Variants in SH3GL3 observed in about 807,000 individuals in gnomAD.
The protein encoded by SH3GL3 is endophilin-A3.
Under a neutral mutation model 47.7 loss-of-function variants are expected in SH3GL3, and 33 were observed. The observed-to-expected ratio is 0.69, with a 90% CI of 0.52 to 0.92. The LOEUF (loss-of-function observed/expected upper bound fraction) is 0.92, where lower values mean the gene tolerates loss of function less well. Among genes scored for constraint, SH3GL3 ranks in the 40% least tolerant of loss-of-function variants. The probability of loss-of-function intolerance (pLI) is 0.00; values close to 1 mark genes in which losing one functional copy is unlikely to be tolerated. For synonymous variants in SH3GL3, 155 were observed against 148.8 expected, an observed-to-expected ratio of 1.04 and a Z score of -0.30; for missense variants, 363 against 417.8, an observed-to-expected ratio of 0.87 and a Z score of 1.14.
chr15:83,523,445 A>G (rs914367820), intron 1 of SH3GL3, among the ~76,000 whole-genome samples: 3 of 152,318 alleles, frequency 2.0e-5, no homozygotes, highest in Non-Finnish European at 2.9e-5. Flanking sequence ...GCTGAACGCC[A>G]TCTCCCAGGA....
Position 83,588,653 on chromosome 15 carries a change from G to A in SH3GL3, c.729-9G>A, listed in dbSNP as rs771313048. The stretch of plus-strand genomic sequence containing the variant: ...AGATGTCTGGCTCATCTTACGATGT[G>A]TGTTACAGAATATCAGCTGCATCCA... On this transcript the variant is annotated splice_polypyrimidine_tract_variant and intron_variant, in intron 7 of 8. Transcript: ENST00000427482. 6 of 1,529,142 alleles carry A rather than the reference G, an allele frequency of 3.9e-6. No individual in the cohort carries two copies. The African/African-American group carries it at 4.1e-5, about 10-fold the overall frequency. 94.7% of individuals were successfully genotyped at this position (1,529,142 alleles called of 1,614,324 possible).
At chr15:83,541,810 T>C (rs1197860143) in intron 1 of SH3GL3, among the ~76,000 whole-genome samples, 1 of 152,210 alleles carries the variant, frequency 6.6e-6, no homozygotes, top group East Asian at 1.9e-4. Context: ...TAAATTTTAT[T>C]ATTAGATTCT....
intron 3 of SH3GL3, among the ~76,000 whole-genome samples, chr15:83,567,305 C>G (rs558760593): frequency 6.6e-6 from 1 of 152,142 alleles, no homozygotes; most frequent in Non-Finnish European, 1.5e-5. Flanking sequence ...AGCATATTGC[C>G]GCCTTTCCCT....
chr15:83,525,189 A>G (rs1340332179), intron 1 of SH3GL3, among the ~76,000 whole-genome samples: 2 of 151,826 alleles, frequency 1.3e-5, no homozygotes, highest in Non-Finnish European at 2.9e-5. Flanking sequence ...CTTTTTGTTG[A>G]TAGCCATTCG....
chr15:83,552,015 C>T (rs529318569), intron 1 of SH3GL3, among the ~76,000 whole-genome samples: 1 of 152,278 alleles, frequency 6.6e-6, no homozygotes, highest in East Asian at 1.9e-4. Context: ...TTTCTTGGCA[C>T]CTTCTCATTT....
At chr15:83,496,139 A>T (rs888108628) in intron 1 of SH3GL3, among the ~76,000 whole-genome samples, 1 of 152,058 alleles carries the variant, frequency 6.6e-6, no homozygotes, top group Non-Finnish European at 1.5e-5. Flanking sequence ...CGGGAGGATC[A>T]CTTGAGGCCA....
chr15:83,497,355 G>A (rs2042122779), intron 1 of SH3GL3, among the ~76,000 whole-genome samples: 1 of 152,088 alleles, frequency 6.6e-6, no homozygotes, highest in Non-Finnish European at 1.5e-5. Flanking sequence ...AGTCTTGCAA[G>A]CCTACTCTGG....
At chr15:83,508,094 A>G (rs1428245289) in intron 1 of SH3GL3, among the ~76,000 whole-genome samples, 1 of 151,850 alleles carries the variant, frequency 6.6e-6, no homozygotes, top group Non-Finnish European at 1.5e-5. Context: ...GGTGCGCACC[A>G]CCACGCCCAG....
chr15:83,623,785 C>T, the SH3GL3 span, among the ~76,000 whole-genome samples: 1 of 152,160 alleles, frequency 6.6e-6, no homozygotes, highest in East Asian at 1.9e-4. Context: ...GTCCCTCAAA[C>T]AAATAGGCTT....
intron 1 of SH3GL3, among the ~76,000 whole-genome samples, chr15:83,457,982 C>T (rs1419829783): frequency 6.6e-6 from 1 of 152,168 alleles, no homozygotes; most frequent in South Asian, 2.1e-4. Flanking sequence ...AATTTTTCAG[C>T]TTTATTAACA....
intron 1 of SH3GL3, among the ~76,000 whole-genome samples, chr15:83,494,833 C>T (rs1176612900): frequency 6.6e-6 from 1 of 152,128 alleles, no homozygotes; most frequent in African/African-American, 2.4e-5. Flanking sequence ...TGTGACCCAC[C>T]GCACCTGGCC....
chr15:83,573,612 G>C (rs1426942734), intron 5 of SH3GL3, among the ~76,000 whole-genome samples: 1 of 152,210 alleles, frequency 6.6e-6, no homozygotes, highest in Non-Finnish European at 1.5e-5. Flanking sequence ...ACCCCCACTG[G>C]TCTAGCCTAT....
At chr15:83,536,495 C>T (rs1175410416) in intron 1 of SH3GL3, among the ~76,000 whole-genome samples, 7 of 149,864 alleles carry the variant, frequency 4.7e-5, no homozygotes, top group South Asian at 2.1e-4. Flanking sequence ...CCTCTGCCTT[C>T]GGGTTCAAGT....
chr15:83,628,046 C>T, the SH3GL3 span, among the ~76,000 whole-genome samples: 1 of 152,134 alleles, frequency 6.6e-6, no homozygotes, highest in Non-Finnish European at 1.5e-5. Context: ...GGGACAGAGC[C>T]TATAACATTG....
rs540653014 is a variant in SH3GL3 at position 83,538,082 on chromosome 15, G to A, written c.46-21171G>A. ...ATTAAATTTTGAAGTAGCATTTAGC[G>A]TGCAGGGAGTACAGTCACAATGTAA... On this transcript the variant is annotated intron_variant, in intron 1 of 8. Coordinates refer to ENST00000427482, the MANE Select transcript of SH3GL3 (RefSeq NM_003027.5). Among the ~76,000 whole-genome samples, 34 of 152,218 alleles carry A rather than the reference G, an allele frequency of 2.2e-4. No individual in the cohort carries two copies. In the South Asian group the frequency reaches 3.5e-3, roughly 16 times the overall value.
chr15:83,550,894 T>C (rs1166422905), intron 1 of SH3GL3, among the ~76,000 whole-genome samples: 1 of 152,220 alleles, frequency 6.6e-6, no homozygotes, highest in African/African-American at 2.4e-5. Context: ...TCTGGAGCAT[T>C]TTCTAAAATC....
chr15:83,490,635 T>G (rs997676356), intron 1 of SH3GL3: 3 of 765,548 alleles, frequency 3.9e-6, no homozygotes, highest in Non-Finnish European at 6.1e-6. Flanking sequence ...GCACAGTATA[T>G]GACGGTGGTC....
chr15:83,612,194 C>T (rs565950098), intron 8 of SH3GL3, among the ~76,000 whole-genome samples: 2 of 152,290 alleles, frequency 1.3e-5, no homozygotes, highest in South Asian at 4.1e-4. Flanking sequence ...CCTATCAGGG[C>T]TGTTGGTTTT....
intron 8 of SH3GL3, among the ~76,000 whole-genome samples, chr15:83,608,895 A>G (rs1310664567): frequency 1.3e-5 from 2 of 152,080 alleles, no homozygotes; most frequent in Non-Finnish European, 1.5e-5. Context: ...CCCCTCATCA[A>G]TGGTTACCTT....
Sources: allele counts gnomAD v4.1 joint callset (sites outside exome capture counted in the v4.1 genomes callset), GRCh38; gene constraint gnomAD v4.1.1; transcripts MANE v1.5; gene names NCBI Gene and HGNC (gene_info 2026-07-23, HGNC 2026-07-21).